ANXA11: variants seen among roughly 807,000 people sequenced by gnomAD.
ANXA11 encodes annexin A11.
In ANXA11, 57 loss-of-function variants were observed where a neutral mutation model predicts 64.7. That is an observed-to-expected ratio of 0.88 (90% CI 0.71 to 1.10). The LOEUF (loss-of-function observed/expected upper bound fraction) is 1.10. Ranked by LOEUF, ANXA11 falls within the 50% of genes least tolerant of loss-of-function variation. The pLI, the probability that ANXA11 is intolerant of heterozygous loss-of-function variation, is 0.00. For synonymous variants in ANXA11, 260 were observed against 265.2 expected (o/e 0.98, Z 0.19); for missense variants, 675 against 670.7 (o/e 1.01, Z -0.07).
At chr10:80,185,496 T>C (rs150309220) in intron 1 of ANXA11, among the ~76,000 whole-genome samples, 128 of 152,366 alleles carry the variant, frequency 8.4e-4, no homozygotes, top group African/African-American at 3.0e-3. Flanking sequence ...TCCAGGAAAC[T>C]GCCAATTTGC....
Position 80,199,381 on chromosome 10 carries a change from G to A in ANXA11, c.-58+5962C>T, listed in dbSNP as rs555870895. ...TAAAGTGCTGGGATTACAGGCGTGA[G>A]CTACCGCGCCCAGCCAAGATAAACT... On this transcript the variant is annotated intron_variant, in intron 1 of 15. Transcript: ENST00000422982. Among the ~76,000 whole-genome samples, 6 of 152,268 alleles carry A rather than the reference G, an allele frequency of 3.9e-5. No individual in the cohort carries two copies. In the South Asian group the frequency reaches 8.3e-4, roughly 21 times the overall value.
chr10:80,177,177 C>CA (rs1379010941), intron 1 of ANXA11, among the ~76,000 whole-genome samples: 2 of 152,064 alleles, frequency 1.3e-5, no homozygotes, highest in East Asian at 3.9e-4. Flanking sequence ...TTAGTAGAGA[C>CA]AGAGTTTCAC....
At chr10:80,193,059 C>T (rs1384417282) in intron 1 of ANXA11, among the ~76,000 whole-genome samples, 3 of 152,104 alleles carry the variant, frequency 2.0e-5, no homozygotes, top group Non-Finnish European at 4.4e-5. Context: ...AGCAGGCCTG[C>T]GGAGCAACCA....
At position 80,169,189 on chromosome 10, in the gene ANXA11, G is replaced by A. The variant is rs1361633370; in HGVS notation, c.341C>T (p.Pro114Leu). The A allele has an allele frequency of 3.7e-6, 6 of 1,603,420 alleles. No homozygotes were observed. The highest frequency in any genetic ancestry group is 5.1e-6 in the Non-Finnish European group (6 of 1,175,786). Reference sequence around the variant, plus strand: ...TGGCGGATATGAGGGCATCCTGGAGGGTGGGTTTCCTCCTGGGGGTGGATA... The same window carrying A: ...TGGCGGATATGAGGGCATCCTGGAGAGTGGGTTTCCTCCTGGGGGTGGATA... ...GMYPPPGGNP[P>L]SRMPSYPPYP... The change falls in exon 5 of 16, where the codon CCC becomes CTC. Residue 114 changes from proline to leucine, a missense_variant. Coordinates refer to ENST00000422982, the MANE Select transcript of ANXA11 (RefSeq NM_145868.2).
intron 15 of ANXA11, among the ~76,000 whole-genome samples, chr10:80,156,774 G>T (rs1845292782): frequency 1.3e-5 from 2 of 152,186 alleles, no homozygotes. Flanking sequence ...AAAGTGCTGG[G>T]ATTACAGGCG....
At chr10:80,183,420 G>T (rs376595226) in intron 1 of ANXA11, among the ~76,000 whole-genome samples, 2 of 152,170 alleles carry the variant, frequency 1.3e-5, no homozygotes, top group African/African-American at 2.4e-5. Context: ...TCTGAAGGGG[G>T]CCTCTTTCAG....
At chr10:80,166,012 A>ACACGCATGCGCGCGTGCG (rs143105746) in intron 8 of ANXA11, 72 bp downstream of exon 8, 13,799 of 925,530 alleles carry the variant, frequency 0.015, 116 homozygotes, top group African/African-American at 0.026. Flanking sequence ...CTGTGTGTCC[A>ACACGCATGCGCGCGTGCG]CACGCATGCG....
Position 80,205,500 on chromosome 10 carries a change from G to T in ANXA11, c.-215C>A, listed in dbSNP as rs1840637983. The T allele has an allele frequency of 6.6e-6, 1 of 151,990 alleles. No individual in the cohort carries two copies. The highest frequency in any genetic ancestry group is 2.4e-5 in the African/African-American group (1 of 41,390). 9.4% of individuals were successfully genotyped at this position (151,990 alleles called of 1,614,324 possible). A position where few individuals can be genotyped will look rare whatever the true frequency, so the allele number is the denominator to read the frequency against. Reference sequence around the variant, plus strand: ...GGGGCACTCGGGGCACTGGGGAGCCGCGGGCGCAGCAGCCGTCAGCGCCGG... The same window carrying T: ...GGGGCACTCGGGGCACTGGGGAGCCTCGGGCGCAGCAGCCGTCAGCGCCGG... On this transcript the variant is annotated 5_prime_UTR_variant, in exon 1 of 16. Coordinates refer to ENST00000422982, the MANE Select transcript of ANXA11 (RefSeq NM_145868.2).
chr10:80,170,992 G>T (rs764347104), intron 3 of ANXA11, 77 bp from the exon 4 acceptor site: 1 of 1,524,056 alleles, frequency 6.6e-7, no homozygotes, highest in Non-Finnish European at 8.8e-7. Flanking sequence ...AGAGCTCCCA[G>T]GTGGTCAGAA....
chr10:80,179,891 G>A (rs962859794), intron 1 of ANXA11, among the ~76,000 whole-genome samples: 1 of 152,150 alleles, frequency 6.6e-6, no homozygotes, highest in Non-Finnish European at 1.5e-5. Context: ...TGCCTTGTTC[G>A]TTGGCTCTGG....
In ANXA11 at chr10:80,159,121, C is replaced by A. The variant is rs775240100; in HGVS notation, c.1255G>T (p.Glu419Ter). ...TTACCCACGGCCAGCATGCCCTCCTCCAGGTCCCCGGACATCTCCCGGCAG... is the reference window on the plus strand; with the variant it reads ...TTACCCACGGCCAGCATGCCCTCCTACAGGTCCCCGGACATCTCCCGGCAG... ...SICREMSGDLEEGMLAVVKCL... is the reference protein window; with the variant it reads ...SICREMSGDL The change falls in exon 13 of 16, where the codon GAG becomes TAG. Residue 419 changes from glutamate to a stop codon, truncating the protein, a stop_gained. Transcript: ENST00000422982. LOFTEE classifies it high-confidence loss of function. 2 of 1,614,130 alleles carry A rather than the reference C, an allele frequency of 1.2e-6. No individual in the cohort carries two copies. The highest frequency in any genetic ancestry group is 1.7e-6 in the Non-Finnish European group (2 of 1,180,030).
chr10:80,166,935 C>G lies in ANXA11; in HGVS notation c.699G>C (p.Lys233Asn). 6.2e-7 allele frequency: 1 copy of G among 1,609,346 alleles called. No homozygotes were observed. The highest frequency in any genetic ancestry group is 1.7e-5 in the Admixed American group (1 of 59,644). The change falls in exon 7 of 16, where the codon AAG becomes AAC. Residue 233 changes from lysine to asparagine, a missense_variant. By Grantham distance (94) the Lys-to-Asn change is moderately conservative. Coordinates refer to ENST00000422982, the MANE Select transcript of ANXA11 (RefSeq NM_145868.2). ...AGGAAAGTAGGATCTGCTGCCGCTG[C>G]TTGTTGGAGCGACTCCCCAGGCAGT... ...IIDCLGSRSN[K>N]QRQQILLSFK...
Position 80,157,764 on chromosome 10 carries a change from C to T in ANXA11, c.1336-1G>A. ...GGGTCCGGTCCTTTGTTCCTGCCCC[C>T]TAAAGAGAGTCCACCCAAGAGCATG... On this transcript the variant is annotated splice_acceptor_variant, in intron 14 of 15. Coordinates refer to ENST00000422982, the MANE Select transcript of ANXA11 (RefSeq NM_145868.2). LOFTEE classifies it high-confidence loss of function. The T allele has an allele frequency of 6.2e-7, 1 of 1,612,692 alleles. No homozygotes were observed. Among genetic ancestry groups the T allele is most frequent in the African/African-American group, 1.3e-5 (1 of 75,010 alleles).
chr10:80,151,658 A>G lies in ANXA11; in HGVS notation c.*4195T>C, dbSNP rs1017228529. On this transcript the variant is annotated 3_prime_UTR_variant, in exon 16 of 16. Coordinates refer to ENST00000422982, the MANE Select transcript of ANXA11 (RefSeq NM_145868.2). ...TGACCGTGGGCACCTGCAAAGGTTC[A>G]TCTTTCAGCTCCCTCTTCCCAAAGC... 5.9e-5 allele frequency: 9 copies of G among 152,180 alleles called. No homozygotes were observed. Among genetic ancestry groups the G allele is most frequent in the Non-Finnish European group, 5.9e-5 (4 of 68,042 alleles). The allele number at this position is 152,180 out of a possible 1,614,324, so 9.4% of individuals were successfully genotyped here. A position where few individuals can be genotyped will look rare whatever the true frequency, so the allele number is the denominator to read the frequency against.
chr10:80,151,692 CCTCAT>C lies in ANXA11; in HGVS notation c.*4156_*4160del, dbSNP rs1845160092. On this transcript the variant is annotated 3_prime_UTR_variant, in exon 16 of 16. Transcript: ENST00000422982. Reference sequence around the variant, plus strand: ...CTCCCTCTTCCCAAAGCTAGGAGTGCCTCATCTCATCTCTCATCACCTGACTGAAT... The same window carrying C: ...CTCCCTCTTCCCAAAGCTAGGAGTGCCTCATCTCTCATCACCTGACTGAAT... 6.6e-6 allele frequency: 1 copy of C among 152,144 alleles called. No individual in the cohort carries two copies. The highest frequency in any genetic ancestry group is 6.5e-5 in the Admixed American group (1 of 15,280). The allele number at this position is 152,144 out of a possible 1,614,324, so 9.4% of individuals were successfully genotyped here.
chr10:80,171,210 TC>T, intron 3 of ANXA11: 2 of 1,256,444 alleles, frequency 1.6e-6, no homozygotes, highest in Admixed American at 4.1e-5. Context: ...GGCTCTGCCC[TC>T]CCAAGTTCAC....
intron 2 of ANXA11, among the ~76,000 whole-genome samples, chr10:80,173,981 A>G (rs970595755): frequency 1.6e-4 from 25 of 152,174 alleles, no homozygotes; most frequent in African/African-American, 5.3e-4. Flanking sequence ...CACTTTGAAG[A>G]CCACTGTTCT....
At chr10:80,202,108 C>T (rs1840451562) in intron 1 of ANXA11, among the ~76,000 whole-genome samples, 1 of 151,738 alleles carries the variant, frequency 6.6e-6, no homozygotes, top group African/African-American at 2.4e-5. Context: ...CATCACCACC[C>T]GCTAACTGAT....
chr10:80,177,877 A>C (rs1846225171), intron 1 of ANXA11, among the ~76,000 whole-genome samples: 1 of 152,052 alleles, frequency 6.6e-6, no homozygotes, highest in Admixed American at 6.5e-5. Flanking sequence ...GCGCTGACCA[A>C]TCTCCCCCCA....
Sources: allele counts gnomAD v4.1 joint callset (sites outside exome capture counted in the v4.1 genomes callset), GRCh38; gene constraint gnomAD v4.1.1; transcripts MANE v1.5; gene names NCBI Gene and HGNC (gene_info 2026-07-23, HGNC 2026-07-21).